The following KPNA5 variants were observed in gnomAD, a reference collection of about 807,000 sequenced individuals.
The protein encoded by KPNA5 is karyopherin subunit alpha 5.
In KPNA5, 46 loss-of-function variants were observed where a neutral mutation model predicts 71.3. That is an observed-to-expected ratio of 0.65 (90% confidence interval 0.51 to 0.83). The LOEUF (loss-of-function observed/expected upper bound fraction) is 0.83, where lower values mean the gene tolerates loss of function less well. Ranked by LOEUF, KPNA5 falls within the 40% of genes least tolerant of loss-of-function variation. The probability of loss-of-function intolerance (pLI) is 0.00; values close to 1 mark genes in which losing one functional copy is unlikely to be tolerated. For synonymous variants in KPNA5, 207 were observed against 201.4 expected (o/e 1.03, Z -0.24); for missense variants, 547 against 628.3 (o/e 0.87, Z 1.38).
chr6:116,732,080 A>ATATATATG lies in KPNA5; in HGVS notation c.1433-49_1433-48insGTATATAT, dbSNP rs1779510247. The ATATATATG allele has an allele frequency of 1.0e-4, 3 of 28,930 alleles. 1 individual carries two copies. The highest frequency in any genetic ancestry group is 1.8e-4 in the Non-Finnish European group (3 of 16,520). The allele number at this position is 28,930 out of a possible 1,614,324, so 1.8% of individuals were successfully genotyped here. A position where few individuals can be genotyped will look rare whatever the true frequency, so the allele number is the denominator to read the frequency against. ...AATTGTAGTAACAGTTTGTTTATAT[A>ATATATATG]TATATATATATATATATATATATAT... On this transcript the variant is annotated intron_variant, in intron 13 of 13. Transcript: ENST00000368564.
intron 1 of KPNA5, among the ~76,000 whole-genome samples, chr6:116,686,252 G>T (rs1203180290): frequency 2.6e-5 from 4 of 152,088 alleles, no homozygotes; most frequent in Non-Finnish European, 5.9e-5. Context: ...ATTCTGACTG[G>T]TGTGAGATGG....
At chr6:116,709,117 T>C (rs1399594781) in intron 7 of KPNA5, among the ~76,000 whole-genome samples, 2 of 152,208 alleles carry the variant, frequency 1.3e-5, no homozygotes, top group Non-Finnish European at 2.9e-5. Context: ...TGCAACTTTG[T>C]TGAATTTATT....
chr6:116,706,471 C>T (rs1440988318), intron 7 of KPNA5, among the ~76,000 whole-genome samples: 1 of 151,688 alleles, frequency 6.6e-6, no homozygotes, highest in Non-Finnish European at 1.5e-5. Context: ...GGGTGGATCC[C>T]CTGAGGTCAG....
Position 116,740,250 on chromosome 6 carries a change from C to A in KPNA5, c.*7927C>A, listed in dbSNP as rs373278800. Reference sequence around the variant, plus strand: ...CAAAAAACACATGAAAAAATGCTCACCATCACTGGCCATCAGACAAATGCA... The same window carrying A: ...CAAAAAACACATGAAAAAATGCTCAACATCACTGGCCATCAGACAAATGCA... On this transcript the variant is annotated 3_prime_UTR_variant, in exon 14 of 14. Transcript: ENST00000368564. 6.6e-6 allele frequency: 1 copy of A among 152,120 alleles called. No individual in the cohort carries two copies. Among genetic ancestry groups the A allele is most frequent in the African/African-American group, 2.4e-5 (1 of 41,418 alleles). 9.4% of individuals were successfully genotyped at this position (152,120 alleles called of 1,614,324 possible).
At chr6:116,687,674 T>C (rs995113764) in intron 1 of KPNA5, among the ~76,000 whole-genome samples, 7 of 152,236 alleles carry the variant, frequency 4.6e-5, no homozygotes, top group African/African-American at 1.7e-4. Flanking sequence ...ACTACTCAGA[T>C]GGCTCAGTTA....
chr6:116,683,601 A>T (rs1180035657), intron 1 of KPNA5, among the ~76,000 whole-genome samples: 1 of 151,448 alleles, frequency 6.6e-6, no homozygotes, highest in African/African-American at 2.4e-5. Context: ...TTTTTTTGAG[A>T]TGGAGTCTCA....
intron 2 of KPNA5, 118 bp downstream of exon 2, chr6:116,689,571 T>C: frequency 1.2e-6 from 1 of 866,370 alleles, no homozygotes; most frequent in Non-Finnish European, 1.6e-6. Context: ...TATTATTTAT[T>C]AGACTCCAGG....
chr6:116,724,681 C>T (rs1257914569), intron 10 of KPNA5, among the ~76,000 whole-genome samples: 2 of 152,174 alleles, frequency 1.3e-5, no homozygotes, highest in African/African-American at 2.4e-5. Flanking sequence ...GCCTTTACCT[C>T]CCTGGCTTAA....
chr6:116,704,643 A>G (rs1291899015), intron 6 of KPNA5, among the ~76,000 whole-genome samples: 1 of 152,000 alleles, frequency 6.6e-6, no homozygotes, highest in African/African-American at 2.4e-5. Context: ...AGGTGGAGCA[A>G]GGCTCCTTGC....
At chr6:116,730,246 C>T (rs1381159325) in intron 13 of KPNA5, among the ~76,000 whole-genome samples, 1 of 151,490 alleles carries the variant, frequency 6.6e-6, no homozygotes, top group Admixed American at 6.6e-5. Flanking sequence ...GCCACCATGC[C>T]CGGCTGATTT....
chr6:116,697,013 C>T (rs754133940), intron 4 of KPNA5, among the ~76,000 whole-genome samples: 1 of 151,862 alleles, frequency 6.6e-6, no homozygotes, highest in African/African-American at 2.4e-5. Context: ...ATGACCACCT[C>T]GCCCTACCTA....
At chr6:116,720,177 C>G (rs1779049668) in intron 8 of KPNA5, among the ~76,000 whole-genome samples, 1 of 152,168 alleles carries the variant, frequency 6.6e-6, no homozygotes, top group African/African-American at 2.4e-5. Flanking sequence ...CCCCTGCTGT[C>G]TGTGATACCT....
chr6:116,717,053 T>C lies in KPNA5; in HGVS notation c.756+735T>C, dbSNP rs1778913434. On this transcript the variant is annotated intron_variant, in intron 8 of 13. Coordinates refer to ENST00000368564, the MANE Select transcript of KPNA5 (RefSeq NM_001366306.2). Reference sequence around the variant, plus strand: ...ATTTAATAAAAGTAGTAATTTTTACTGCCTATTCACGTTAACTCTTAAATA... The same window carrying C: ...ATTTAATAAAAGTAGTAATTTTTACCGCCTATTCACGTTAACTCTTAAATA... 4.6e-5 allele frequency among the ~76,000 whole-genome samples: 7 copies of C among 152,278 alleles called. No homozygotes were observed. The South Asian group carries it at 1.5e-3, about 32-fold the overall frequency.
At chr6:116,690,276 C>T (rs1257386210) in intron 2 of KPNA5, among the ~76,000 whole-genome samples, 1 of 152,160 alleles carries the variant, frequency 6.6e-6, no homozygotes, top group African/African-American at 2.4e-5. Flanking sequence ...CTATCTACAG[C>T]GTCTAACACA....
intron 1 of KPNA5, among the ~76,000 whole-genome samples, chr6:116,683,344 A>C (rs1777431610): frequency 6.6e-6 from 1 of 152,172 alleles, no homozygotes; most frequent in Admixed American, 6.5e-5. Context: ...AGAATATGCT[A>C]CATATATAGG....
intron 8 of KPNA5, among the ~76,000 whole-genome samples, chr6:116,720,156 T>C (rs1285005115): frequency 2.0e-5 from 3 of 152,206 alleles, no homozygotes; most frequent in South Asian, 4.1e-4. Context: ...TCCTCTACTT[T>C]AGCACCGTTT....
At chr6:116,689,816 C>T (rs1777724174) in intron 2 of KPNA5, among the ~76,000 whole-genome samples, 1 of 152,030 alleles carries the variant, frequency 6.6e-6, no homozygotes, top group African/African-American at 2.4e-5. Context: ...TAATTCTTGC[C>T]CGTAAGTAAA....
At chr6:116,691,340 A>G (rs1455289769) in intron 2 of KPNA5, among the ~76,000 whole-genome samples, 1 of 152,168 alleles carries the variant, frequency 6.6e-6, no homozygotes, top group Non-Finnish European at 1.5e-5. Flanking sequence ...GTTGCCCTCC[A>G]ATTCCTGGGC....
At chr6:116,701,257 T>TTTATATGTCAATATAAAA (rs1778219944) in intron 5 of KPNA5, among the ~76,000 whole-genome samples, 1 of 152,190 alleles carries the variant, frequency 6.6e-6, no homozygotes, top group Non-Finnish European at 1.5e-5. Context: ...CATGGTTAAT[T>TTTATATGTCAATATAAAA]TTATATGTCA....
Sources: allele counts gnomAD v4.1 joint callset (sites outside exome capture counted in the v4.1 genomes callset), GRCh38; gene constraint gnomAD v4.1.1; transcripts MANE v1.5; gene names NCBI Gene and HGNC (gene_info 2026-07-23, HGNC 2026-07-21).